JCAD: variants seen among roughly 807,000 people sequenced by gnomAD.
JCAD encodes the protein junctional cadherin 5-associated protein.
In JCAD, 40 loss-of-function variants were observed where a neutral mutation model predicts 98.0. The observed-to-expected ratio is 0.41, with a 90% CI of 0.32 to 0.53. The LOEUF is 0.53. Among genes scored for constraint, JCAD ranks in the 20% least tolerant of loss-of-function variants. JCAD has a pLI of 0.31. For missense variants in JCAD, 1,705 were observed against 1,738.1 expected, an observed-to-expected ratio of 0.98 and a Z score of 0.34; for synonymous variants, 691 against 682.3, an observed-to-expected ratio of 1.01 and a Z score of -0.20.
At chr10:30,043,578 T>C (rs1837282109) in intron 2 of JCAD, among the ~76,000 whole-genome samples, 1 of 137,858 alleles carries the variant, frequency 7.3e-6, no homozygotes, top group Non-Finnish European at 1.7e-5. Flanking sequence ...GCAGTCTTTA[T>C]AGGCCTCTCC....
chr10:30,061,400 G>T (rs1837698279), upstream of JCAD, among the ~76,000 whole-genome samples: 2 of 152,088 alleles, frequency 1.3e-5, no homozygotes, highest in Non-Finnish European at 2.9e-5. Context: ...GAATTAGCCG[G>T]GCGTGGTGGC....
chr10:30,023,040 CTTTTT>C (rs1432979830), intron 3 of JCAD, among the ~76,000 whole-genome samples: 1 of 151,622 alleles, frequency 6.6e-6, no homozygotes, highest in Admixed American at 6.6e-5. Context: ...TGTGCCTTTT[CTTTTT>C]GTTTTTTTGG....
At chr10:30,041,654 A>G (rs539942501) in intron 2 of JCAD, among the ~76,000 whole-genome samples, 65 of 152,356 alleles carry the variant, frequency 4.3e-4, no homozygotes, top group Non-Finnish European at 8.5e-4. Flanking sequence ...CGCTGATGAC[A>G]GGAGATAATT....
chr10:30,104,305 G>T (rs990489638), intron 1 of JCAD, among the ~76,000 whole-genome samples: 1 of 151,996 alleles, frequency 6.6e-6, no homozygotes, highest in Non-Finnish European at 1.5e-5. Flanking sequence ...TTAGAGCTGT[G>T]GTTTATACAT....
Position 30,026,780 on chromosome 10 carries a change from G to A in JCAD, c.3368C>T (p.Ser1123Phe). ...EPDASACTPE[S>F]PQEELLSRPA... ...GCGAGATAGCAACTCTTCCTGGGGG[G>A]ACTCTGGGGTGCAGGCACTTGCATC... The change falls in exon 3 of 4, where the codon TCC (serine) becomes TTC (phenylalanine). Residue 1123 changes from serine (S) to phenylalanine (F), a missense_variant. By Grantham distance (155) the Ser-to-Phe change is radical (BLOSUM62 -2). Around this residue, in one of 3 missense-constraint regions of JCAD, gnomAD observed 1,278 missense variants for 1,243.1 expected, o/e 1.03. Coordinates refer to ENST00000375377, the MANE Select transcript of JCAD (RefSeq NM_020848.4). 3.1e-6 allele frequency: 5 copies of A among 1,614,146 alleles called. No individual in the cohort carries two copies. The highest frequency in any genetic ancestry group is 1.6e-4 in the Middle Eastern group (1 of 6,062).
intron 3 of JCAD, among the ~76,000 whole-genome samples, chr10:30,024,038 G>A (rs1770804185): frequency 6.6e-6 from 1 of 152,152 alleles, no homozygotes; most frequent in South Asian, 2.1e-4. Context: ...GATGATGCAT[G>A]CCTGTAGTCC....
intron 1 of JCAD, among the ~76,000 whole-genome samples, chr10:30,071,309 T>A (rs1238902317): frequency 6.6e-6 from 1 of 152,184 alleles, no homozygotes; most frequent in African/African-American, 2.4e-5. Flanking sequence ...TTGTTGTTTT[T>A]ACTTTCCCTA....
rs1480456735 is a variant in JCAD at position 30,026,829 on chromosome 10, C to G, written c.3319G>C (p.Gly1107Arg). 6.2e-7 allele frequency: 1 copy of G among 1,614,028 alleles called. No individual in the cohort carries two copies. The highest frequency in any genetic ancestry group is 1.1e-5 in the South Asian group (1 of 91,084). ...TCGGGCTCAGCAGGCTGGTTCTGTC[C>G]CGCTCTCCGGATGCCCGGCAGGAGG... The part of the protein sequence containing the change: ...ESLLPGIRRA[G>R]QNQPAEPDAS... The change falls in exon 3 of 4, where the codon GGA becomes CGA. Residue 1107 changes from glycine (G) to arginine (R), a missense_variant. Physicochemically the swap from Gly to Arg is moderately radical, Grantham distance 125. Around this residue, in one of 3 missense-constraint regions of JCAD, gnomAD observed 1,278 missense variants for 1,243.1 expected, o/e 1.03. Coordinates refer to ENST00000375377, the MANE Select transcript of JCAD (RefSeq NM_020848.4).
At chr10:30,083,818 T>C (rs564432882) in intron 1 of JCAD, among the ~76,000 whole-genome samples, 123 of 152,174 alleles carry the variant, frequency 8.1e-4, no homozygotes, top group African/African-American at 2.8e-3. Context: ...CTTGAGCCCA[T>C]GAGTTGCAGA....
At chr10:30,024,188 T>C (rs11007864) in intron 3 of JCAD, among the ~76,000 whole-genome samples, 86,083 of 151,962 alleles carry the variant, frequency 0.57, 26,734 homozygotes, top group African/African-American at 0.85. Context: ...CAAAAAACCT[T>C]CCTGAAATAG....
chr10:30,052,462 C>T, intron 1 of JCAD, among the ~76,000 whole-genome samples: 1 of 152,140 alleles, frequency 6.6e-6, no homozygotes, highest in East Asian at 1.9e-4. Flanking sequence ...AGCTTGTGGC[C>T]ACGACACAGA....
At chr10:30,099,084 A>AT (rs1838426247) in intron 1 of JCAD, among the ~76,000 whole-genome samples, 1 of 151,942 alleles carries the variant, frequency 6.6e-6, no homozygotes, top group Non-Finnish European at 1.5e-5. Context: ...TTTTTCTATT[A>AT]TTTTTTCCAT....
At chr10:30,105,567 A>G (rs1453133052) in intron 1 of JCAD, among the ~76,000 whole-genome samples, 2 of 152,118 alleles carry the variant, frequency 1.3e-5, no homozygotes, top group Admixed American at 1.3e-4. Context: ...CAGATGATTC[A>G]TCTGCCTCGG....
At chr10:30,114,586 A>C (rs1247260099) in intron 1 of JCAD, among the ~76,000 whole-genome samples, 2 of 151,522 alleles carry the variant, frequency 1.3e-5, no homozygotes, top group Non-Finnish European at 2.9e-5. Flanking sequence ...ATTAAAAAAA[A>C]AAAAAAAAAA....
At chr10:30,081,760 C>A (rs7099236) in intron 1 of JCAD, among the ~76,000 whole-genome samples, 3 of 152,016 alleles carry the variant, frequency 2.0e-5, no homozygotes, top group Admixed American at 2.0e-4. Context: ...AATGCTAGCA[C>A]GTACCAGCAG....
chr10:30,092,056 A>T (rs1283478859), intron 1 of JCAD, among the ~76,000 whole-genome samples: 429 of 26,732 alleles, frequency 0.016, 35 homozygotes, highest in African/African-American at 0.063. Flanking sequence ...AAAAAAAAAA[A>T]AAAAAAAAAT....
At chr10:30,099,583 T>C (rs993692173) in intron 1 of JCAD, among the ~76,000 whole-genome samples, 1 of 151,990 alleles carries the variant, frequency 6.6e-6, no homozygotes, top group African/African-American at 2.4e-5. Context: ...GGAGATTATA[T>C]TTAACAGGAA....
rs749420417 is a variant in JCAD, at chr10:30,026,708, C to G, written c.3440G>C (p.Gly1147Ala). The change falls in exon 3 of 4, where the codon GGC becomes GCC. Residue 1147 changes from glycine (G) to alanine (A), a missense_variant. Gly to Ala is a moderately conservative substitution (Grantham distance 60). This residue lies in a region of JCAD where 1,278 missense variants were observed against 1,243.1 expected (regional missense o/e 1.03). Transcript: ENST00000375377. ...VPRVSTDAFY[G>A]RRKCGWTKSP... ...CTTGGTCCAGCCGCACTTCCTCCTG[C>G]CATAAAAGGCATCAGTGGACACCCT... 9 of 1,613,876 alleles carry G rather than the reference C, an allele frequency of 5.6e-6. No individual in the cohort carries two copies. In the South Asian group the frequency reaches 9.9e-5, roughly 18 times the overall value.
chr10:30,099,948 G>T (rs574364147), intron 1 of JCAD, among the ~76,000 whole-genome samples: 1 of 152,126 alleles, frequency 6.6e-6, no homozygotes, highest in Non-Finnish European at 1.5e-5. Context: ...TCTCCATCCT[G>T]CATAACCATT....
Sources: gnomAD v4.1 joint callset for allele counts (sites outside exome capture counted in the v4.1 genomes callset) on GRCh38, gnomAD v4.1.1 for gene constraint, gnomAD v4.1.1 regional missense constraint, MANE v1.5 for transcripts, NCBI Gene and HGNC (gene_info 2026-07-23, HGNC 2026-07-21) for gene names.